The following SNTG1 variants were observed in gnomAD, a reference collection of about 807,000 sequenced individuals.
SNTG1 encodes the protein syntrophin gamma 1.
In SNTG1, 39 loss-of-function variants were observed where a neutral mutation model predicts 74.7. The observed-to-expected ratio is 0.52, with a 90% CI of 0.40 to 0.68. SNTG1 has a LOEUF of 0.68. Ranked by LOEUF, SNTG1 falls within the 30% of genes least tolerant of loss-of-function variation. The pLI, the probability that SNTG1 is intolerant of heterozygous loss-of-function variation, is 0.00. For missense variants in SNTG1, 685 were observed against 609.5 expected (o/e 1.12, Z -1.30); for synonymous variants, 254 against 217.1 (o/e 1.17, Z -1.49).
rs181549645 is a variant in SNTG1 at position 50,130,102 on chromosome 8, A to G, written c.-102-42459A>G. Among the ~76,000 whole-genome samples the G allele has an allele frequency of 9.8e-5, 15 of 152,322 alleles. No individual in the cohort carries two copies. The East Asian group carries it at 1.7e-3, about 18-fold the overall frequency. Reference sequence around the variant, plus strand: ...TGTAAATAGCCTCTAAGTTAAAACTATAAGTTTAAAACTCTGAGGAGAATT... The same window carrying G: ...TGTAAATAGCCTCTAAGTTAAAACTGTAAGTTTAAAACTCTGAGGAGAATT... On this transcript the variant is annotated intron_variant, in intron 1 of 18. Transcript: ENST00000642720.
At chr8:50,036,591 A>C (rs1818187911) in intron 1 of SNTG1, among the ~76,000 whole-genome samples, 1 of 152,194 alleles carries the variant, frequency 6.6e-6, no homozygotes, top group Non-Finnish European at 1.5e-5. Context: ...GACAGGCAGA[A>C]AGTCTCATTG....
chr8:50,344,700 G>T (rs996465488), intron 2 of SNTG1, among the ~76,000 whole-genome samples: 10 of 152,142 alleles, frequency 6.6e-5, no homozygotes, highest in Admixed American at 3.3e-4. Context: ...ACAGATGCAG[G>T]TGTGGCCAAG....
intron 15 of SNTG1, among the ~76,000 whole-genome samples, chr8:50,696,072 A>C (rs2095403945): frequency 6.6e-6 from 1 of 152,026 alleles, no homozygotes. Flanking sequence ...GTACCAATTT[A>C]CATTTCCACC....
At position 50,568,596 on chromosome 8, in the gene SNTG1, C is replaced by A. The variant is rs950489670; in HGVS notation, c.810+15417C>A. On this transcript the variant is annotated intron_variant, in intron 12 of 18. Coordinates refer to ENST00000642720, the MANE Select transcript of SNTG1 (RefSeq NM_018967.5). ...TTTCTCTGATGATTAGTAATGGTGA[C>A]AATTTCTTCATATACCTCTTGGCCA... is the stretch of plus-strand genomic sequence containing the variant. Among the ~76,000 whole-genome samples, 3 of 151,708 alleles carry A rather than the reference C, an allele frequency of 2.0e-5. No individual in the cohort carries two copies. In the East Asian group the frequency reaches 5.8e-4, roughly 29 times the overall value.
chr8:49,946,282 T>G (rs1185739683), intron 1 of SNTG1, among the ~76,000 whole-genome samples: 1 of 152,200 alleles, frequency 6.6e-6, no homozygotes. Context: ...CTTAAGCATA[T>G]AAAAGTCCGT....
At chr8:49,928,834 T>A (rs983347173) in intron 1 of SNTG1, among the ~76,000 whole-genome samples, 3 of 152,102 alleles carry the variant, frequency 2.0e-5, no homozygotes, top group African/African-American at 7.2e-5. Context: ...ATATGATTGT[T>A]TAGGACATGC....
chr8:50,488,033 A>C (rs1361229201), intron 8 of SNTG1, among the ~76,000 whole-genome samples: 1 of 152,166 alleles, frequency 6.6e-6, no homozygotes, highest in Non-Finnish European at 1.5e-5. Context: ...ACTTAAACAA[A>C]TGGAGTCTTA....
At chr8:50,352,481 C>T (rs891290328) in intron 2 of SNTG1, among the ~76,000 whole-genome samples, 3 of 152,144 alleles carry the variant, frequency 2.0e-5, no homozygotes, top group Admixed American at 6.5e-5. Flanking sequence ...ACCTCCACCT[C>T]CCAGGTACAA....
At chr8:49,947,127 C>T (rs1473797314) in intron 1 of SNTG1, among the ~76,000 whole-genome samples, 6 of 152,024 alleles carry the variant, frequency 3.9e-5, no homozygotes, top group Non-Finnish European at 7.4e-5. Context: ...TGGTGAAACC[C>T]TGTCTCTACT....
intron 12 of SNTG1, among the ~76,000 whole-genome samples, chr8:50,565,028 T>C (rs2094508299): frequency 6.6e-6 from 1 of 152,050 alleles, no homozygotes; most frequent in Admixed American, 6.6e-5. Context: ...GTACCCTTGA[T>C]ATGATGTAAC....
At chr8:50,597,760 G>A (rs75626063) in intron 13 of SNTG1, among the ~76,000 whole-genome samples, 2 of 151,854 alleles carry the variant, frequency 1.3e-5, no homozygotes, top group Non-Finnish European at 2.9e-5. Context: ...CATTTGAACT[G>A]GTGTGAGGTG....
intron 13 of SNTG1, among the ~76,000 whole-genome samples, chr8:50,627,908 T>C (rs988574565): frequency 6.6e-6 from 1 of 152,164 alleles, no homozygotes; most frequent in African/African-American, 2.4e-5. Context: ...CTGCATTACA[T>C]AGGCATGATT....
At chr8:50,421,779 G>A (rs748202377) in intron 4 of SNTG1, among the ~76,000 whole-genome samples, 1 of 152,106 alleles carries the variant, frequency 6.6e-6, no homozygotes, top group Non-Finnish European at 1.5e-5. Flanking sequence ...AGGAAAAAAG[G>A]CATACAGACT....
chr8:50,378,008 T>C (rs914167986), intron 2 of SNTG1, among the ~76,000 whole-genome samples: 7 of 152,212 alleles, frequency 4.6e-5, no homozygotes, highest in African/African-American at 9.6e-5. Context: ...CGAGTTTTGC[T>C]CAGGTCCACT....
chr8:50,736,520 A>G (rs1308189032), intron 17 of SNTG1, among the ~76,000 whole-genome samples: 1 of 152,084 alleles, frequency 6.6e-6, no homozygotes, highest in East Asian at 1.9e-4. Context: ...CCGATCAACA[A>G]GAGAGAAAAT....
rs185727503 is a variant in SNTG1, at chr8:50,163,178, G to A, written c.-102-9383G>A. ...GTAGATTCTATCAACTGGGAAGAAA[G>A]CAACTCTCCTCAACTCAGCCAGTTA... On this transcript the variant is annotated intron_variant, in intron 1 of 18. Transcript: ENST00000642720. 3.0e-4 allele frequency among the ~76,000 whole-genome samples: 45 copies of A among 152,276 alleles called. No individual in the cohort carries two copies. The East Asian group carries it at 8.3e-3, about 28-fold the overall frequency.
chr8:50,636,900 A>G (rs73676374), intron 13 of SNTG1, among the ~76,000 whole-genome samples: 3,440 of 152,266 alleles, frequency 0.023, 116 homozygotes, highest in African/African-American at 0.074. Flanking sequence ...AAGTGTTTAT[A>G]ACTTTTTCTC....
chr8:50,492,188 A>G (rs1004079865), intron 8 of SNTG1, among the ~76,000 whole-genome samples: 4 of 152,336 alleles, frequency 2.6e-5, no homozygotes, highest in South Asian at 2.1e-4. Context: ...CAGTGCCTCA[A>G]TAAACATATG....
chr8:50,043,597 A>C (rs934826220), intron 1 of SNTG1, among the ~76,000 whole-genome samples: 1 of 152,170 alleles, frequency 6.6e-6, no homozygotes, highest in Non-Finnish European at 1.5e-5. Flanking sequence ...GAAGCTGACT[A>C]TGCGTTCCTG....
Sources: allele counts gnomAD v4.1 joint callset (sites outside exome capture counted in the v4.1 genomes callset), GRCh38; gene constraint gnomAD v4.1.1; transcripts MANE v1.5; gene names NCBI Gene and HGNC (gene_info 2026-07-23, HGNC 2026-07-21).